OOSP2: variants seen among roughly 807,000 people sequenced by gnomAD.
OOSP2 encodes oocyte-secreted protein 2.
OOSP2 carries 7 observed loss-of-function variants against 13.4 expected under a neutral mutation model. The observed-to-expected ratio is 0.52, with a 90% CI of 0.30 to 0.98. OOSP2 has a LOEUF of 0.98. Among genes scored for constraint, OOSP2 ranks in the 50% least tolerant of loss-of-function variants. The probability of loss-of-function intolerance (pLI) is 0.07; values close to 1 mark genes in which losing one functional copy is unlikely to be tolerated. For synonymous variants in OOSP2, 75 were observed against 67.2 expected (o/e 1.12, Z -0.57); for missense variants, 184 against 188.5 (o/e 0.98, Z 0.14).
At position 60,040,473 on chromosome 11, in the gene OOSP2, T is replaced by C; in HGVS notation, c.14T>C (p.Val5Ala). ...ACGAAGGTCTCCATGGCGTTAGAAG[T>C]CTTGATGCTCCTCGCTGTCTTGATT... Reference protein sequence around the residue: MALEVLMLLAVLIWT... With the variant: MALEALMLLAVLIWT... The change falls in exon 1 of 4, where the codon GTC becomes GCC. Residue 5 changes from valine (V) to alanine (A), a missense_variant. Val to Ala is a moderately conservative substitution (Grantham distance 64). Transcript: ENST00000278855. The C allele has an allele frequency of 6.2e-7, 1 of 1,601,854 alleles. No individual in the cohort carries two copies. Among genetic ancestry groups the C allele is most frequent in the Non-Finnish European group, 8.6e-7 (1 of 1,168,814 alleles).
At chr11:60,045,547 A>G (rs1854996660) in intron 3 of OOSP2, among the ~76,000 whole-genome samples, 1 of 152,184 alleles carries the variant, frequency 6.6e-6, no homozygotes, top group Non-Finnish European at 1.5e-5. Flanking sequence ...TAATGTGATT[A>G]TAGTACTTTT....
chr11:60,045,619 G>GTACATTTT (rs1252261204), intron 3 of OOSP2, among the ~76,000 whole-genome samples: 1 of 151,758 alleles, frequency 6.6e-6, no homozygotes, highest in African/African-American at 2.4e-5. Flanking sequence ...TTGTACATTT[G>GTACATTTT]TACAAGTTGT....
chr11:60,041,576 G>T (rs1315320954), intron 1 of OOSP2, among the ~76,000 whole-genome samples: 1 of 152,046 alleles, frequency 6.6e-6, no homozygotes, highest in Non-Finnish European at 1.5e-5. Flanking sequence ...GGCTGGGCAC[G>T]GTGGCTGATA....
chr11:60,046,629 G>T (rs1182410600), intron 3 of OOSP2: 1 of 485,318 alleles, frequency 2.1e-6, no homozygotes, highest in African/African-American at 1.9e-5. Context: ...GGATCCATTT[G>T]GCTGAGTCTG....
In OOSP2 at chr11:60,044,679, T is replaced by G; in HGVS notation, c.252T>G (p.Ser84=). 1 of 1,526,742 alleles carries G rather than the reference T, an allele frequency of 6.5e-7. No individual in the cohort carries two copies. The highest frequency in any genetic ancestry group is 1.1e-5 in the South Asian group (1 of 88,384). The allele number at this position is 1,526,742 out of a possible 1,614,324, so 94.6% of individuals were successfully genotyped here. A position where few individuals can be genotyped will look rare whatever the true frequency, so the allele number is the denominator to read the frequency against. Residue 84 remains serine (S), a synonymous_variant, in exon 3 of 4, where the codon TCT becomes TCG. Transcript: ENST00000278855. ...RDCGIRTRVV[S]EETLLFQTEL... is the part of the protein sequence containing the mutation. Reference sequence around the variant, plus strand: ...ACTTCATGCTCTCCTAGGTAGTTTCTGAGGAAACTCTCCTTTTTCAAACCG... The same window carrying G: ...ACTTCATGCTCTCCTAGGTAGTTTCGGAGGAAACTCTCCTTTTTCAAACCG...
At chr11:60,040,998 G>A (rs140306031) in intron 1 of OOSP2, among the ~76,000 whole-genome samples, 3 of 152,144 alleles carry the variant, frequency 2.0e-5, no homozygotes, top group Non-Finnish European at 4.4e-5. Flanking sequence ...ACTCATCAAC[G>A]GTTCTGCAAA....
chr11:60,045,178 G>A (rs1854993008), intron 3 of OOSP2, among the ~76,000 whole-genome samples: 1 of 152,008 alleles, frequency 6.6e-6, no homozygotes, highest in Admixed American at 6.6e-5. Context: ...CATCTTATAA[G>A]AGTAAGTGGC....
chr11:60,045,403 T>C (rs1336396640), intron 3 of OOSP2, among the ~76,000 whole-genome samples: 1 of 152,082 alleles, frequency 6.6e-6, no homozygotes, highest in Non-Finnish European at 1.5e-5. Context: ...AATATTTATG[T>C]TAAGTCTTAT....
Position 60,040,459 on chromosome 11 carries a change from C to T in OOSP2, c.-1C>T, listed in dbSNP as rs760821035. ...GGAGGTCTGCTCAGACGAAGGTCTC[C>T]ATGGCGTTAGAAGTCTTGATGCTCC... On this transcript the variant is annotated 5_prime_UTR_variant, in exon 1 of 4. Transcript: ENST00000278855. The T allele has an allele frequency of 1.3e-6, 2 of 1,585,470 alleles. No individual in the cohort carries two copies. The highest frequency in any genetic ancestry group is 8.7e-7 in the Non-Finnish European group (1 of 1,154,012).
intron 2 of OOSP2, 127 bp from the exon 3 acceptor site, chr11:60,044,544 T>C: frequency 2.1e-6 from 1 of 484,268 alleles, no homozygotes; most frequent in South Asian, 4.3e-5. Flanking sequence ...TGTCATATCT[T>C]TATTTATATT....
chr11:60,040,515 A>C lies in OOSP2; in HGVS notation c.56A>C (p.Asn19Thr). 6.4e-7 allele frequency: 1 copy of C among 1,570,550 alleles called. No homozygotes were observed. Among genetic ancestry groups the C allele is most frequent in the Non-Finnish European group, 8.8e-7 (1 of 1,140,300 alleles). Residue 19 changes from asparagine to threonine, a missense_variant, in exon 1 of 4, where the codon AAC (asparagine) becomes ACC (threonine). Coordinates refer to ENST00000278855, the MANE Select transcript of OOSP2 (RefSeq NM_173801.5). ...GTCTTGATTTGGACCGGTGCTGAGA[A>C]CCTCCATGGTAAATAACAAGTTTTA... ...LAVLIWTGAE[N>T]LHVKISCSLD...
At chr11:60,045,276 T>C (rs891371021) in intron 3 of OOSP2, among the ~76,000 whole-genome samples, 17 of 152,180 alleles carry the variant, frequency 1.1e-4, no homozygotes, top group Admixed American at 2.0e-4. Flanking sequence ...TTATTAAATG[T>C]ACTTTGCTTG....
At chr11:60,042,175 A>C (rs1040122117) in intron 1 of OOSP2, among the ~76,000 whole-genome samples, 4 of 152,220 alleles carry the variant, frequency 2.6e-5, no homozygotes, top group African/African-American at 9.6e-5. Flanking sequence ...TTACTGTGAA[A>C]AAAAATGCAG....
chr11:60,041,556 C>CT (rs1011113535), intron 1 of OOSP2, among the ~76,000 whole-genome samples: 3 of 152,002 alleles, frequency 2.0e-5, no homozygotes, highest in African/African-American at 7.2e-5. Context: ...CAGACTAAAA[C>CT]TGAGTTTCTG....
In OOSP2 at chr11:60,042,332, C is replaced by T. The variant is rs141354170; in HGVS notation, c.65-1137C>T. The stretch of plus-strand genomic sequence containing the variant: ...TGATGTGAGAACAGTATTTCAAACA[C>T]GTAGAGAGACGTGATTTAAAGGTTA... On this transcript the variant is annotated intron_variant, in intron 1 of 3. Coordinates refer to ENST00000278855, the MANE Select transcript of OOSP2 (RefSeq NM_173801.5). Among the ~76,000 whole-genome samples the T allele has an allele frequency of 2.1e-3, 323 of 152,264 alleles. 2 individuals carry two copies. The highest frequency in any genetic ancestry group is 7.3e-3 in the African/African-American group (302 of 41,538).
chr11:60,046,890 G>T, intron 3 of OOSP2, 54 bp from the exon 4 acceptor site: 2 of 1,502,408 alleles, frequency 1.3e-6, no homozygotes, highest in South Asian at 2.3e-5. Flanking sequence ...TGGTAAAACT[G>T]ACTTGATCCC....
intron 3 of OOSP2, chr11:60,046,617 T>C (rs902326780): frequency 2.1e-6 from 1 of 471,560 alleles, no homozygotes; most frequent in Non-Finnish European, 4.2e-6. Flanking sequence ...TTACTGTTCT[T>C]AGGATCCATT....
intron 1 of OOSP2, among the ~76,000 whole-genome samples, chr11:60,041,899 G>A (rs1854935441): frequency 1.4e-5 from 2 of 140,424 alleles, no homozygotes; most frequent in South Asian, 4.7e-4. Flanking sequence ...AACAGGCTGG[G>A]TACACGGTGG....
chr11:60,040,668 G>A (rs1405121365), intron 1 of OOSP2, 145 bp downstream of exon 1: 2 of 605,472 alleles, frequency 3.3e-6, no homozygotes, highest in African/African-American at 1.9e-5. Flanking sequence ...GTAGACTTGT[G>A]TCAATATACG....
Sources: allele counts gnomAD v4.1 joint callset (sites outside exome capture counted in the v4.1 genomes callset), GRCh38; gene constraint gnomAD v4.1.1; transcripts MANE v1.5; gene names NCBI Gene and HGNC (gene_info 2026-07-23, HGNC 2026-07-21).